Variants in ADAM12 observed in about 807,000 individuals in gnomAD.
ADAM12 encodes disintegrin and metalloproteinase domain-containing protein 12.
In ADAM12, 70 loss-of-function variants were observed where a neutral mutation model predicts 106.4. The observed-to-expected ratio is 0.66, with a 90% CI of 0.54 to 0.80. The LOEUF (loss-of-function observed/expected upper bound fraction) is 0.80. Ranked by LOEUF, ADAM12 falls within the 30% of genes least tolerant of loss-of-function variation. ADAM12 has a pLI of 0.00. For synonymous variants in ADAM12, 420 were observed against 433.5 expected, an observed-to-expected ratio of 0.97 and a Z score of 0.39; for missense variants, 1,010 against 1,171.9, an observed-to-expected ratio of 0.86 and a Z score of 2.02.
chr10:126,082,373 T>G (rs936310553), intron 11 of ADAM12, among the ~76,000 whole-genome samples: 1 of 144,372 alleles, frequency 6.9e-6, no homozygotes, highest in Non-Finnish European at 1.5e-5. Flanking sequence ...GTTTTTTTTT[T>G]TTTTTTTTTT....
intron 14 of ADAM12, among the ~76,000 whole-genome samples, chr10:126,061,777 C>T (rs550586120): frequency 1.8e-4 from 27 of 152,314 alleles, no homozygotes; most frequent in East Asian, 1.7e-3. Flanking sequence ...AGATGCTCCC[C>T]AGAGCCTCCC....
intron 3 of ADAM12, among the ~76,000 whole-genome samples, chr10:126,258,046 A>G (rs1958927028): frequency 6.6e-6 from 1 of 152,174 alleles, no homozygotes; most frequent in African/African-American, 2.4e-5. Context: ...CTGTGTCCCT[A>G]TATTTATATT....
At chr10:126,022,720 G>A (rs909870729) in intron 21 of ADAM12, among the ~76,000 whole-genome samples, 4 of 152,214 alleles carry the variant, frequency 2.6e-5, no homozygotes, top group African/African-American at 9.6e-5. Flanking sequence ...GCTGAGAAAT[G>A]ACTCTAAGCA....
intron 4 of ADAM12, among the ~76,000 whole-genome samples, chr10:126,138,718 G>A (rs926607867): frequency 5.3e-5 from 8 of 151,828 alleles, no homozygotes; most frequent in Non-Finnish European, 7.4e-5. Flanking sequence ...TCAAAATTTT[G>A]ATGAGGTCTT....
chr10:126,301,501 G>A (rs1960622740), intron 2 of ADAM12, among the ~76,000 whole-genome samples: 1 of 152,092 alleles, frequency 6.6e-6, no homozygotes, highest in African/African-American at 2.4e-5. Flanking sequence ...CTGAGAGTTA[G>A]GCCTTCAGTT....
chr10:126,267,143 G>A (rs73384775), intron 3 of ADAM12, among the ~76,000 whole-genome samples: 195 of 152,244 alleles, frequency 1.3e-3, no homozygotes, highest in African/African-American at 4.5e-3. Context: ...ATAGGGATAC[G>A]GAAGCAGCTC....
At chr10:126,352,924 A>T (rs1479866906) in intron 1 of ADAM12, among the ~76,000 whole-genome samples, 1 of 152,234 alleles carries the variant, frequency 6.6e-6, no homozygotes, top group Non-Finnish European at 1.5e-5. Flanking sequence ...GTAGACCAGC[A>T]GTCTCAGAGA....
At chr10:126,354,876 G>A (rs1438269274) in intron 1 of ADAM12, among the ~76,000 whole-genome samples, 1 of 151,686 alleles carries the variant, frequency 6.6e-6, no homozygotes, top group East Asian at 1.9e-4. Flanking sequence ...CTCATTTTAT[G>A]TTGGAGGGGA....
chr10:126,309,155 G>A (rs975850254), intron 2 of ADAM12, among the ~76,000 whole-genome samples: 31 of 152,288 alleles, frequency 2.0e-4, no homozygotes, highest in Admixed American at 2.0e-3. Flanking sequence ...TGACTACATT[G>A]ATCGTTTCAA....
intron 3 of ADAM12, among the ~76,000 whole-genome samples, chr10:126,234,605 ACT>A (rs2133633704): frequency 6.6e-6 from 1 of 152,340 alleles, no homozygotes; most frequent in South Asian, 2.1e-4. Context: ...GTAGTATCAA[ACT>A]CAGAACTTGC....
chr10:126,164,202 G>C (rs1263034974), intron 3 of ADAM12, among the ~76,000 whole-genome samples: 1 of 152,200 alleles, frequency 6.6e-6, no homozygotes, highest in African/African-American at 2.4e-5. Context: ...TTTCTTTGAA[G>C]ACCATACGTA....
chr10:126,291,728 G>C (rs1385904758), intron 2 of ADAM12, among the ~76,000 whole-genome samples: 1 of 152,142 alleles, frequency 6.6e-6, no homozygotes, highest in African/African-American at 2.4e-5. Flanking sequence ...AAAGCCCAGG[G>C]CTCGGGGGGT....
At chr10:126,304,803 AT>A (rs894042072) in intron 2 of ADAM12, among the ~76,000 whole-genome samples, 3 of 152,184 alleles carry the variant, frequency 2.0e-5, no homozygotes, top group South Asian at 2.1e-4. Context: ...CAAAAAAAAA[AT>A]ATATTTGAAT....
In ADAM12 at chr10:126,194,922, C is replaced by T. The variant is rs749521627; in HGVS notation, c.261-39617G>A. 1.2e-3 allele frequency among the ~76,000 whole-genome samples: 189 copies of T among 152,184 alleles called. 1 individual carries two copies. Among genetic ancestry groups the T allele is most frequent in the Non-Finnish European group, 2.2e-3 (152 of 68,036 alleles). ...CCCCCAAAATTCTGCTGGCAGGCAACGCTTGAATGCCTATGGCAGTGAGGT... is the reference window on the plus strand; with the variant it reads ...CCCCCAAAATTCTGCTGGCAGGCAATGCTTGAATGCCTATGGCAGTGAGGT... On this transcript the variant is annotated intron_variant, in intron 3 of 22. Coordinates refer to ENST00000448723, the MANE Select transcript of ADAM12 (RefSeq NM_001288973.2).
At position 126,140,792 on chromosome 10, in the gene ADAM12, G is replaced by A. The variant is rs191385770; in HGVS notation, c.340-5132C>T. On this transcript the variant is annotated intron_variant, in intron 4 of 22. Coordinates refer to ENST00000448723, the MANE Select transcript of ADAM12 (RefSeq NM_001288973.2). ...CATAAGTCAAAACACAGATAATTTC[G>A]CAACTCAGCAAGACATGGTTGTCAC... Among the ~76,000 whole-genome samples the A allele has an allele frequency of 3.2e-3, 487 of 152,270 alleles. 3 individuals carry two copies. The highest frequency in any genetic ancestry group is 0.011 in the African/African-American group (466 of 41,544).
rs1954750432 is a variant in ADAM12, at chr10:126,061,285, CATATATTA to C, written c.1609+3513_1609+3520del. ...GAGCTCTGCATCTAGCATAGAACCA[CATATATTA>C]CATGGAATAGATTATAGGCTATGTT... On this transcript the variant is annotated intron_variant, in intron 14 of 22. Transcript: ENST00000448723. Among the ~76,000 whole-genome samples the C allele has an allele frequency of 5.3e-5, 8 of 152,320 alleles. No homozygotes were observed. In the South Asian group the frequency reaches 1.5e-3, roughly 28 times the overall value.
At chr10:126,046,801 C>CAAA (rs60056450) in intron 16 of ADAM12, among the ~76,000 whole-genome samples, 9 of 49,904 alleles carry the variant, frequency 1.8e-4, no homozygotes, top group Middle Eastern at 0.01. Flanking sequence ...GATTCCGTCT[C>CAAA]AAAAAAAAAA....
At chr10:126,080,178 A>G (rs190961371) in intron 11 of ADAM12, among the ~76,000 whole-genome samples, 38 of 152,042 alleles carry the variant, frequency 2.5e-4, no homozygotes, top group Non-Finnish European at 5.0e-4. Flanking sequence ...TTGTGCTTGT[A>G]TTTTTCTTAT....
chr10:126,248,720 T>C (rs1958682623), intron 3 of ADAM12, among the ~76,000 whole-genome samples: 1 of 150,518 alleles, frequency 6.6e-6, no homozygotes, highest in African/African-American at 2.5e-5. Flanking sequence ...TATTTATTTA[T>C]TTATTTTGAG....
Sources: allele counts gnomAD v4.1 joint callset (sites outside exome capture counted in the v4.1 genomes callset), GRCh38; gene constraint gnomAD v4.1.1; transcripts MANE v1.5; gene names NCBI Gene and HGNC (gene_info 2026-07-23, HGNC 2026-07-21).